LRP1B: variants seen among roughly 807,000 people sequenced by gnomAD.
LRP1B encodes LDL receptor related protein 1B.
LRP1B carries 217 observed loss-of-function variants against 556.6 expected under a neutral mutation model. The observed-to-expected ratio is 0.39, with a 90% CI of 0.35 to 0.44. The LOEUF (loss-of-function observed/expected upper bound fraction) is 0.44, where lower values mean the gene tolerates loss of function less well. Ranked by LOEUF, LRP1B falls within the 20% of genes least tolerant of loss-of-function variation. The pLI is 1.00. For missense variants in LRP1B, 5,053 were observed against 5,620.8 expected (o/e 0.90, Z 3.23); for synonymous variants, 2,047 against 1,865.8 (o/e 1.10, Z -2.50).
intron 66 of LRP1B, among the ~76,000 whole-genome samples, chr2:140,411,911 T>A (rs1164061074): frequency 6.6e-6 from 1 of 152,142 alleles, no homozygotes; most frequent in African/African-American, 2.4e-5. Context: ...GTAAATTAAT[T>A]AAAAGCTATC....
chr2:140,269,425 TG>T (rs1279359540), intron 86 of LRP1B: 4 of 461,402 alleles, frequency 8.7e-6, no homozygotes, highest in Non-Finnish European at 1.3e-5. Context: ...GCGTCTGACT[TG>T]TTTTGCCAAA....
intron 3 of LRP1B, among the ~76,000 whole-genome samples, chr2:141,438,308 G>A (rs1038732750): frequency 6.6e-6 from 1 of 151,954 alleles, no homozygotes; most frequent in Non-Finnish European, 1.5e-5. Context: ...TAATGTGTGT[G>A]TGTTTGAAAC....
intron 2 of LRP1B, among the ~76,000 whole-genome samples, chr2:141,620,200 A>T (rs934623694): frequency 1.3e-5 from 2 of 152,234 alleles, no homozygotes; most frequent in African/African-American, 4.8e-5. Flanking sequence ...CAATCTTCTC[A>T]CTTCAGCCTG....
intron 81 of LRP1B, 96 bp from the exon 82 acceptor site, chr2:140,322,184 T>C (rs1026952490): frequency 1.7e-6 from 2 of 1,168,838 alleles, no homozygotes; most frequent in Non-Finnish European, 2.5e-6. Context: ...TAATTAGCAA[T>C]GTTGAAAAGT....
In LRP1B at chr2:140,412,205, C is replaced by G. The variant is rs544135672; in HGVS notation, c.10415-26196G>C. ...TGTTACTGGAAACTCTTACAAAATTCAACAAATGAATTTCAACTCTAGACA... is the reference window on the plus strand; with the variant it reads ...TGTTACTGGAAACTCTTACAAAATTGAACAAATGAATTTCAACTCTAGACA... On this transcript the variant is annotated intron_variant, in intron 66 of 90. Transcript: ENST00000389484. Among the ~76,000 whole-genome samples the G allele has an allele frequency of 5.7e-4, 86 of 152,160 alleles. 1 individual carries two copies. The highest frequency in any genetic ancestry group is 1.8e-3 in the African/African-American group (73 of 41,552).
At chr2:140,441,018 A>G (rs1327366017) in intron 66 of LRP1B, among the ~76,000 whole-genome samples, 3 of 152,060 alleles carry the variant, frequency 2.0e-5, no homozygotes, top group African/African-American at 7.2e-5. Context: ...TTCCTTATCA[A>G]TGAAATAGGG....
chr2:141,984,141 G>A (rs1702119471), intron 1 of LRP1B, among the ~76,000 whole-genome samples: 1 of 150,492 alleles, frequency 6.6e-6, no homozygotes, highest in African/African-American at 2.5e-5. Flanking sequence ...AGAGAGGCTT[G>A]CTGAAAGAGT....
At chr2:141,779,330 A>G (rs193126207) in intron 2 of LRP1B, among the ~76,000 whole-genome samples, 2 of 152,218 alleles carry the variant, frequency 1.3e-5, no homozygotes, top group East Asian at 3.9e-4. Context: ...CTACCTTCAA[A>G]TGATTTCCCT....
intron 25 of LRP1B, among the ~76,000 whole-genome samples, chr2:140,875,934 G>C (rs534154827): frequency 6.6e-6 from 1 of 152,148 alleles, no homozygotes; most frequent in Admixed American, 6.5e-5. Flanking sequence ...CCTTGTCAAT[G>C]GTGTCTTTGA....
chr2:140,629,037 C>T (rs1683781086), intron 41 of LRP1B, among the ~76,000 whole-genome samples: 1 of 151,862 alleles, frequency 6.6e-6, no homozygotes, highest in Admixed American at 6.6e-5. Context: ...TACAAATTAC[C>T]CAGTCTCGGG....
intron 3 of LRP1B, among the ~76,000 whole-genome samples, chr2:141,469,724 G>A (rs1682388133): frequency 6.6e-6 from 1 of 152,184 alleles, no homozygotes; most frequent in African/African-American, 2.4e-5. Context: ...TTACTAGAAT[G>A]ACAGATTAGG....
chr2:141,330,510 A>G (rs907586076), intron 3 of LRP1B, among the ~76,000 whole-genome samples: 2 of 152,206 alleles, frequency 1.3e-5, no homozygotes, highest in African/African-American at 4.8e-5. Context: ...AAACTCTGTA[A>G]TTGATTTATT....
At chr2:141,230,367 C>T (rs1040673555) in intron 5 of LRP1B, among the ~76,000 whole-genome samples, 2 of 152,154 alleles carry the variant, frequency 1.3e-5, no homozygotes, top group Non-Finnish European at 2.9e-5. Context: ...GCCATGATCA[C>T]TCATCTAGAT....
intron 7 of LRP1B, among the ~76,000 whole-genome samples, chr2:141,159,489 C>T (rs1387088353): frequency 6.6e-6 from 1 of 152,122 alleles, no homozygotes. Context: ...GCCTTAGCCT[C>T]CTGAGTATCT....
intron 43 of LRP1B, among the ~76,000 whole-genome samples, chr2:140,554,468 C>T (rs192928518): frequency 2.8e-4 from 42 of 152,078 alleles, no homozygotes; most frequent in Non-Finnish European, 3.8e-4. Context: ...TTAGTGAGTT[C>T]CTTCTACTTT....
chr2:140,966,587 C>T (rs1001710830), intron 18 of LRP1B, among the ~76,000 whole-genome samples: 3 of 152,154 alleles, frequency 2.0e-5, no homozygotes, highest in African/African-American at 7.2e-5. Context: ...GTTGCCATTG[C>T]TTTTGGTGTT....
At chr2:141,943,041 A>G (rs1700858871) in intron 1 of LRP1B, among the ~76,000 whole-genome samples, 1 of 152,246 alleles carries the variant, frequency 6.6e-6, no homozygotes, top group Non-Finnish European at 1.5e-5. Flanking sequence ...ATGATATAAT[A>G]AGAAAATATT....
At chr2:140,450,423 C>T (rs1426907075) in intron 63 of LRP1B, 145 bp downstream of exon 63, 3 of 663,706 alleles carry the variant, frequency 4.5e-6, no homozygotes, top group African/African-American at 1.8e-5. Flanking sequence ...TTTTATCTTA[C>T]TTTTAAAGAA....
chr2:140,617,772 G>A (rs1683308993), intron 41 of LRP1B, among the ~76,000 whole-genome samples: 1 of 151,930 alleles, frequency 6.6e-6, no homozygotes, highest in Non-Finnish European at 1.5e-5. Flanking sequence ...TCTATTTTGA[G>A]AAATCTACAT....
Sources: gnomAD v4.1 joint callset for allele counts (sites outside exome capture counted in the v4.1 genomes callset) on GRCh38, gnomAD v4.1.1 for gene constraint, MANE v1.5 for transcripts, NCBI Gene and HGNC (gene_info 2026-07-23, HGNC 2026-07-21) for gene names.